The following DGKB variants were observed in gnomAD, a reference collection of about 807,000 sequenced individuals.
DGKB encodes the protein 90 kDa diacylglycerol kinase.
DGKB carries 67 observed loss-of-function variants against 114.3 expected under a neutral mutation model. That is an observed-to-expected ratio of 0.59 (90% CI 0.48 to 0.72). DGKB has a LOEUF of 0.72. Among genes scored for constraint, DGKB ranks in the 30% least tolerant of loss-of-function variants. The pLI, the probability that DGKB is intolerant of heterozygous loss-of-function variation, is 0.00. For synonymous variants in DGKB, 398 were observed against 323.1 expected (o/e 1.23, Z -2.49); for missense variants, 907 against 975.2 (o/e 0.93, Z 0.93).
At chr7:14,515,051 G>C (rs986726822) in intron 20 of DGKB, among the ~76,000 whole-genome samples, 4 of 151,930 alleles carry the variant, frequency 2.6e-5, no homozygotes, top group Admixed American at 6.6e-5. Context: ...ACAAATAAAA[G>C]AAAAGGAAAC....
intron 7 of DGKB, among the ~76,000 whole-genome samples, chr7:14,698,496 C>T (rs937461325): frequency 1.3e-5 from 2 of 152,098 alleles, no homozygotes; most frequent in Non-Finnish European, 2.9e-5. Flanking sequence ...ATTTTTAAGA[C>T]ACTGAATTCC....
chr7:14,167,308 C>A (rs2128231467), intron 25 of DGKB, among the ~76,000 whole-genome samples: 1 of 151,694 alleles, frequency 6.6e-6, no homozygotes, highest in Admixed American at 6.6e-5. Context: ...ATGGAGGAGA[C>A]ATCTTTTCTC....
intron 1 of DGKB, among the ~76,000 whole-genome samples, chr7:14,960,167 C>T (rs566252819): frequency 6.6e-6 from 1 of 152,130 alleles, no homozygotes; most frequent in South Asian, 2.1e-4. Context: ...TGTATTTATA[C>T]ATTTTGAAGA....
intron 16 of DGKB, among the ~76,000 whole-genome samples, 197 bp downstream of exon 16, chr7:14,613,143 A>C (rs1805872826): frequency 6.6e-6 from 1 of 152,154 alleles, no homozygotes; most frequent in African/African-American, 2.4e-5. Context: ...AATAGTAAAA[A>C]TAGTTACAAA....
At position 14,812,712 on chromosome 7, in the gene DGKB, C is replaced by T. The variant is rs1208481644; in HGVS notation, c.70+28482G>A. ...TATCCCAGGCTTCAATCTTTCAACC[C>T]TCTTCACTCTATTAATTCTTCTCTT... On this transcript the variant is annotated intron_variant, in intron 2 of 25. Transcript: ENST00000402815. Among the ~76,000 whole-genome samples the T allele has an allele frequency of 2.6e-5, 4 of 152,120 alleles. No homozygotes were observed. In the East Asian group the frequency reaches 5.8e-4, roughly 22 times the overall value.
chr7:14,550,457 G>A (rs1794950490), intron 20 of DGKB, among the ~76,000 whole-genome samples: 1 of 152,082 alleles, frequency 6.6e-6, no homozygotes, highest in South Asian at 2.1e-4. Flanking sequence ...TCATTCTGGA[G>A]ATAAATAACC....
intron 23 of DGKB, among the ~76,000 whole-genome samples, chr7:14,322,753 T>TA (rs1808052975): frequency 6.6e-6 from 1 of 152,050 alleles, no homozygotes; most frequent in Admixed American, 6.6e-5. Context: ...TAATACCAGT[T>TA]AAAAAATAGG....
chr7:14,808,680 G>A (rs1298471713), intron 2 of DGKB, among the ~76,000 whole-genome samples: 2 of 152,190 alleles, frequency 1.3e-5, no homozygotes, highest in Non-Finnish European at 2.9e-5. Context: ...AGTAACCCAG[G>A]TGGAAACTGA....
At chr7:14,177,909 A>G (rs1477400731) in intron 24 of DGKB, 122 bp downstream of exon 24, 1 of 1,009,606 alleles carries the variant, frequency 9.9e-7, no homozygotes, top group Non-Finnish European at 1.4e-6. Context: ...ATATATTAGT[A>G]TTAATAACTG....
chr7:14,799,867 T>C (rs1261680349), intron 2 of DGKB, among the ~76,000 whole-genome samples: 1 of 152,046 alleles, frequency 6.6e-6, no homozygotes, highest in Non-Finnish European at 1.5e-5. Context: ...TGAAGCACAG[T>C]GTGGACTTTT....
At chr7:14,506,583 T>C (rs1049010049) in intron 20 of DGKB, among the ~76,000 whole-genome samples, 4 of 152,162 alleles carry the variant, frequency 2.6e-5, no homozygotes, top group Admixed American at 2.6e-4. Flanking sequence ...ATGAATTCAT[T>C]CATTCATTCA....
At chr7:14,195,637 T>C (rs1328538839) in intron 23 of DGKB, among the ~76,000 whole-genome samples, 2 of 152,194 alleles carry the variant, frequency 1.3e-5, no homozygotes, top group Non-Finnish European at 2.9e-5. Context: ...TAATGAGATG[T>C]TTCTATGGTC....
chr7:14,341,634 GTT>G (rs1811614718), intron 22 of DGKB, among the ~76,000 whole-genome samples: 1 of 151,836 alleles, frequency 6.6e-6, no homozygotes, highest in Non-Finnish European at 1.5e-5. Flanking sequence ...GCTCTTTTCA[GTT>G]TTAAAATAGA....
chr7:14,544,594 C>T (rs1296050611), intron 20 of DGKB, among the ~76,000 whole-genome samples: 1 of 152,064 alleles, frequency 6.6e-6, no homozygotes, highest in East Asian at 1.9e-4. Context: ...ATTGCTGATA[C>T]ACAAGTCAAA....
chr7:14,824,143 C>A (rs1562633728), intron 2 of DGKB, among the ~76,000 whole-genome samples: 2 of 152,162 alleles, frequency 1.3e-5, no homozygotes, highest in South Asian at 2.1e-4. Flanking sequence ...AGACCCACCC[C>A]CCATGATTCA....
intron 23 of DGKB, among the ~76,000 whole-genome samples, chr7:14,247,723 G>A (rs1348284127): frequency 1.3e-5 from 2 of 151,658 alleles, no homozygotes; most frequent in Admixed American, 1.3e-4. Context: ...TAGTTGTTAG[G>A]TTCCTTATAT....
At chr7:14,230,551 G>A (rs1308814217) in intron 23 of DGKB, among the ~76,000 whole-genome samples, 1 of 151,950 alleles carries the variant, frequency 6.6e-6, no homozygotes, top group Non-Finnish European at 1.5e-5. Flanking sequence ...AAATAAGATA[G>A]AGCAATAACT....
intron 2 of DGKB, among the ~76,000 whole-genome samples, chr7:14,761,300 T>C (rs1335600804): frequency 1.3e-5 from 2 of 152,180 alleles, no homozygotes; most frequent in East Asian, 1.9e-4. Context: ...AGGATATCCA[T>C]AACCTTTCAA....
rs1393333081 is a variant in DGKB at position 14,160,902 on chromosome 7, A to T, written c.2305-11664T>A. 2.0e-5 allele frequency among the ~76,000 whole-genome samples: 3 copies of T among 152,174 alleles called. No individual in the cohort carries two copies. In the South Asian group the frequency reaches 6.2e-4, roughly 32 times the overall value. On this transcript the variant is annotated intron_variant, in intron 25 of 25. Coordinates refer to ENST00000402815, the MANE Select transcript of DGKB (RefSeq NM_001350709.2). ...GGCTACAGTAACCAAAACAAACAGC[A>T]TGGTACTGGTACCAAAACAGATATA...
Sources: allele counts gnomAD v4.1 joint callset (sites outside exome capture counted in the v4.1 genomes callset), GRCh38; gene constraint gnomAD v4.1.1; transcripts MANE v1.5; gene names NCBI Gene and HGNC (gene_info 2026-07-23, HGNC 2026-07-21).